Variants in AMMECR1 observed in about 807,000 individuals in gnomAD.
AMMECR1 encodes nuclear protein AMMECR1.
In AMMECR1, 3 loss-of-function variants were observed where a neutral mutation model predicts 22.5. That is an observed-to-expected ratio of 0.13 (90% CI 0.06 to 0.35). The LOEUF is 0.35. Ranked by LOEUF, AMMECR1 falls within the 10% of genes least tolerant of loss-of-function variation. AMMECR1 has a pLI of 1.00. For missense variants in AMMECR1, 235 were observed against 278.7 expected, an observed-to-expected ratio of 0.84 and a Z score of 1.12; for synonymous variants, 130 against 116.7, an observed-to-expected ratio of 1.11 and a Z score of -0.74.
Position 110,311,410 on chromosome X carries a change from C to T in AMMECR1, c.473+6189G>A, listed in dbSNP as rs2068022742. ...AGCAACTTTGATAATAGTATCATAT[C>T]TTGAACAGGACTGTAAGCTCTGTGA... On this transcript the variant is annotated intron_variant, in intron 1 of 5. Coordinates refer to ENST00000262844, the MANE Select transcript of AMMECR1 (RefSeq NM_015365.3). Among the ~76,000 whole-genome samples the T allele has an allele frequency of 4.5e-5, 5 of 111,841 alleles. No homozygotes were observed. In the South Asian group the frequency reaches 1.9e-3, roughly 42 times the overall value.
intron 2 of AMMECR1, among the ~76,000 whole-genome samples, chrX:110,418,092 C>G (rs1290136699): frequency 1.8e-5 from 2 of 112,476 alleles, no homozygotes; most frequent in African/African-American, 6.5e-5. Flanking sequence ...AAGGGATATT[C>G]TGAGCAAAGA....
At chrX:110,409,617 T>A (rs2068627511) in intron 2 of AMMECR1, among the ~76,000 whole-genome samples, 1 of 107,483 alleles carries the variant, frequency 9.3e-6, no homozygotes, top group African/African-American at 3.5e-5. Context: ...CAGATCCAGC[T>A]CCCCCATTTT....
At chrX:110,253,064 G>C (rs2067694030) in intron 2 of AMMECR1, among the ~76,000 whole-genome samples, 2 of 112,029 alleles carry the variant, frequency 1.8e-5, no homozygotes, top group Admixed American at 1.9e-4. Flanking sequence ...AAAGCCCCTG[G>C]CGGGGACCAT....
At chrX:110,429,481 T>G (rs1164229782) in intron 1 of AMMECR1, among the ~76,000 whole-genome samples, 1 of 94,017 alleles carries the variant, frequency 1.1e-5, no homozygotes, top group Non-Finnish European at 2.2e-5. Context: ...TTTGTTTTGT[T>G]TTTTTGGTTT....
At chrX:110,332,138 T>C (rs763150045) in intron 2 of AMMECR1, among the ~76,000 whole-genome samples, 6 of 111,499 alleles carry the variant, frequency 5.4e-5, no homozygotes, top group African/African-American at 2.0e-4. Flanking sequence ...ATAATGTTTC[T>C]TGAGTGACTA....
intron 2 of AMMECR1, among the ~76,000 whole-genome samples, chrX:110,231,426 G>A (rs770166530): frequency 8.9e-6 from 1 of 112,188 alleles, no homozygotes; most frequent in South Asian, 3.7e-4. Flanking sequence ...AACTTCATAA[G>A]TGAAGGAGAA....
intron 2 of AMMECR1, among the ~76,000 whole-genome samples, chrX:110,389,734 G>A (rs1423352477): frequency 9.0e-6 from 1 of 110,600 alleles, no homozygotes; most frequent in Non-Finnish European, 1.9e-5. Flanking sequence ...AGTAGAAAGG[G>A]AGAAAAGGAA....
intron 2 of AMMECR1, among the ~76,000 whole-genome samples, chrX:110,254,651 G>C (rs889163494): frequency 1.8e-5 from 2 of 111,180 alleles, no homozygotes; most frequent in African/African-American, 6.5e-5. Flanking sequence ...AAAAAAGAAA[G>C]AAAAAAGAAA....
intron 1 of AMMECR1, among the ~76,000 whole-genome samples, chrX:110,435,427 C>T (rs2068831580): frequency 8.9e-6 from 1 of 112,365 alleles, no homozygotes; most frequent in Admixed American, 9.4e-5. Context: ...TTCATGACAG[C>T]ATTTTTCAAG....
At chrX:110,401,324 G>C (rs1047816292) in intron 2 of AMMECR1, among the ~76,000 whole-genome samples, 1 of 110,919 alleles carries the variant, frequency 9.0e-6, no homozygotes, top group Non-Finnish European at 1.9e-5. Flanking sequence ...AGTGTGTCTC[G>C]GGGACTCAGT....
chrX:110,230,138 C>G (rs180731440), intron 2 of AMMECR1, among the ~76,000 whole-genome samples: 1,307 of 112,689 alleles, frequency 0.012, 18 homozygotes, highest in African/African-American at 0.04. Context: ...TCTGACAGCT[C>G]TGAAGAGAGC....
At chrX:110,251,379 T>C (rs182033303) in intron 2 of AMMECR1, among the ~76,000 whole-genome samples, 324 of 110,938 alleles carry the variant, frequency 2.9e-3, no homozygotes, top group Non-Finnish European at 4.8e-3. Context: ...TGGGTGGAAA[T>C]GGGGAGAGGC....
At chrX:110,428,291 C>T (rs1288630276) in intron 1 of AMMECR1, among the ~76,000 whole-genome samples, 1 of 111,658 alleles carries the variant, frequency 9.0e-6, no homozygotes, top group African/African-American at 3.3e-5. Flanking sequence ...TGATCCTAGC[C>T]CTTAGCACAC....
At chrX:110,328,465 CT>C (rs776105456) in intron 2 of AMMECR1, among the ~76,000 whole-genome samples, 5,947 of 73,247 alleles carry the variant, frequency 0.081, 637 homozygotes, top group African/African-American at 0.27. Flanking sequence ...ATGTTTGACT[CT>C]TTTTTTTTTT....
intron 1 of AMMECR1, among the ~76,000 whole-genome samples, chrX:110,314,837 T>C (rs1369684177): frequency 8.9e-6 from 1 of 112,086 alleles, no homozygotes; most frequent in African/African-American, 3.2e-5. Flanking sequence ...AGCTTGTTCA[T>C]ATATTGACAT....
chrX:110,333,834 G>A (rs2148235480), intron 2 of AMMECR1, among the ~76,000 whole-genome samples: 1 of 109,342 alleles, frequency 9.1e-6, no homozygotes, highest in African/African-American at 3.3e-5. Flanking sequence ...CAGGGGGTGG[G>A]GGTCTGGGGG....
intron 2 of AMMECR1, among the ~76,000 whole-genome samples, chrX:110,224,417 A>T (rs1258491555): frequency 9.0e-6 from 1 of 111,612 alleles, no homozygotes; most frequent in Non-Finnish European, 1.9e-5. Flanking sequence ...GACTGCTGAG[A>T]GGAATAATCA....
chrX:110,223,118 G>T (rs1356397513), intron 2 of AMMECR1, among the ~76,000 whole-genome samples: 3 of 111,712 alleles, frequency 2.7e-5, no homozygotes, highest in Non-Finnish European at 1.9e-5. Flanking sequence ...GTCTGAATTT[G>T]ATTTAGTGGA....
intron 3 of AMMECR1, among the ~76,000 whole-genome samples, chrX:110,205,608 T>C (rs2067418335): frequency 9.0e-6 from 1 of 111,636 alleles, no homozygotes; most frequent in Admixed American, 9.5e-5. Flanking sequence ...TACCCCTAAC[T>C]AATCCTGCCA....
Sources: allele counts gnomAD v4.1 joint callset (sites outside exome capture counted in the v4.1 genomes callset), GRCh38; gene constraint gnomAD v4.1.1; transcripts MANE v1.5; gene names NCBI Gene and HGNC (gene_info 2026-07-23, HGNC 2026-07-21).